BTNL2: variants seen among roughly 807,000 people sequenced by gnomAD.
BTNL2 encodes the protein butyrophilin like 2, also known as butyrophilin-like protein 2.
Under a neutral mutation model 46.8 loss-of-function variants are expected in BTNL2, and 46 were observed. The observed-to-expected ratio is 0.98, with a 90% confidence interval of 0.78 to 1.26. BTNL2 has a LOEUF of 1.26. BTNL2 is among the 50% of genes most tolerant of loss of function. The probability of loss-of-function intolerance (pLI) is 0.00; values close to 1 mark genes in which losing one functional copy is unlikely to be tolerated. For missense variants in BTNL2, 461 were observed against 592.6 expected (o/e 0.78, Z 2.31); for synonymous variants, 226 against 229.1 (o/e 0.99, Z 0.12).
chr6:32,402,265 CTG>C (rs1435586594), intron 3 of BTNL2, among the ~76,000 whole-genome samples: 1 of 152,026 alleles, frequency 6.6e-6, no homozygotes, highest in Non-Finnish European at 1.5e-5. Flanking sequence ...ATATGAATAA[CTG>C]TATACTTATA....
chr6:32,399,712 G>GA lies in BTNL2; in HGVS notation c.730+2072dup, dbSNP rs1197186874. On this transcript the variant is annotated intron_variant, in intron 4 of 7. Transcript: ENST00000454136. The surrounding 1 kb of genome is among the most constrained non-coding windows in gnomAD (Gnocchi z 5.2). ...CAATTAAACTTTATAATTATTGTAA[G>GA]AAAAAATGAAATAATTCCCATAACA... Among the ~76,000 whole-genome samples, 1 of 152,072 alleles carries GA rather than the reference G, an allele frequency of 6.6e-6. No individual in the cohort carries two copies. Among genetic ancestry groups the GA allele is most frequent in the Admixed American group, 6.5e-5 (1 of 15,278 alleles).
At chr6:32,395,162 G>A (rs1776368456) in intron 5 of BTNL2, 137 bp from the exon 6 acceptor site, 1 of 737,136 alleles carries the variant, frequency 1.4e-6, no homozygotes. Flanking sequence ...ACTCCACTTA[G>A]GGATGAGGCT....
Position 32,394,776 on chromosome 6 carries a change from C to T in BTNL2, c.1328G>A (p.Gly443Asp), listed in dbSNP as rs372215089. 7 of 1,613,320 alleles carry T rather than the reference C, an allele frequency of 4.3e-6. No homozygotes were observed. The African/African-American group carries it at 9.3e-5, about 22-fold the overall frequency. Residue 443 changes from glycine to aspartate, a missense_variant, in exon 6 of 8, where the codon GGC becomes GAC. Coordinates refer to ENST00000454136, the MANE Select transcript of BTNL2 (RefSeq NM_001304561.2). This position sits in a 1 kb window ranked among gnomAD's most constrained non-coding sequence, Gnocchi z 4.6. Reference protein sequence around the residue: ...VTCSISIPFLGEEKIATFSLS... With the variant: ...VTCSISIPFLDEEKIATFSLS... Reference sequence around the variant, plus strand: ...AGAAAAAGTTGCGATTTTCTCCTCGCCCAAAAAGGGGATGCTGATGGAACA... The same window carrying T: ...AGAAAAAGTTGCGATTTTCTCCTCGTCCAAAAAGGGGATGCTGATGGAACA...
At chr6:32,406,894 G>A (rs1777187272) in intron 1 of BTNL2, 151 bp downstream of exon 1, 1 of 649,382 alleles carries the variant, frequency 1.5e-6, no homozygotes, top group African/African-American at 1.8e-5. Context: ...GCTCCTGGGA[G>A]TGGAGGAGCT....
Position 32,398,164 on chromosome 6 carries a change from T to C in BTNL2, c.731-1778A>G, listed in dbSNP as rs181793970. Reference sequence around the variant, plus strand: ...CAGGCCCTGCCCGTGCCATTTTTTCTCTATTCTAAATTAAGTGTCGTCCTT... The same window carrying C: ...CAGGCCCTGCCCGTGCCATTTTTTCCCTATTCTAAATTAAGTGTCGTCCTT... On this transcript the variant is annotated intron_variant, in intron 4 of 7. Transcript: ENST00000454136. Among the ~76,000 whole-genome samples, 810 of 152,240 alleles carry C rather than the reference T, an allele frequency of 5.3e-3. 9 individuals are homozygous for C. Among genetic ancestry groups the C allele is most frequent in the African/African-American group, 0.018 (764 of 41,540 alleles).
Position 32,394,774 on chromosome 6 carries a change from C to A in BTNL2, c.1330G>T (p.Glu444Ter), listed in dbSNP as rs368019634. Residue 444 changes from glutamate (E) to a stop codon, truncating the protein, a stop_gained, in exon 6 of 8, where the codon GAG (glutamate) becomes TAG (stop). Coordinates refer to ENST00000454136, the MANE Select transcript of BTNL2 (RefSeq NM_001304561.2). LOFTEE classifies it high-confidence loss of function. The surrounding 1 kb of genome is among the most constrained non-coding windows in gnomAD (Gnocchi z 4.6). ...AGAGAAAAAGTTGCGATTTTCTCCT[C>A]GCCCAAAAAGGGGATGCTGATGGAA... ...TCSISIPFLG[E>*]EKIATFSLSE... The A allele has an allele frequency of 1.2e-6, 2 of 1,613,010 alleles. No individual in the cohort carries two copies. Among genetic ancestry groups the A allele is most frequent in the Non-Finnish European group, 1.7e-6 (2 of 1,179,304 alleles).
intron 2 of BTNL2, among the ~76,000 whole-genome samples, chr6:32,403,424 A>G (rs1776918249): frequency 6.6e-6 from 1 of 152,196 alleles, no homozygotes; most frequent in African/African-American, 2.4e-5. Context: ...TTAGCATCTG[A>G]CCAGTACTTT....
chr6:32,405,320 T>C, intron 1 of BTNL2, 34 bp from the exon 2 acceptor site: 1 of 1,599,704 alleles, frequency 6.3e-7, no homozygotes, highest in Non-Finnish European at 8.5e-7. Context: ...AACGAGGAAA[T>C]GCCAATCAGA....
intron 2 of BTNL2, among the ~76,000 whole-genome samples, chr6:32,403,966 C>A (rs74506038): frequency 1.3e-5 from 2 of 152,050 alleles, no homozygotes; most frequent in African/African-American, 2.4e-5. Context: ...TTCCCTTGGA[C>A]CCTTAGAAAA....
intron 4 of BTNL2, among the ~76,000 whole-genome samples, chr6:32,400,423 C>A (rs1776679213): frequency 6.6e-6 from 1 of 152,056 alleles, no homozygotes; most frequent in East Asian, 1.9e-4. Context: ...CATAAGGGAT[C>A]CACGTTCTAT....
In BTNL2 at chr6:32,403,105, A is replaced by G. The variant is rs1776893419; in HGVS notation, c.539T>C (p.Ile180Thr). The G allele has an allele frequency of 1.2e-6, 2 of 1,612,806 alleles. No homozygotes were observed. Among genetic ancestry groups the G allele is most frequent in the Non-Finnish European group, 1.7e-6 (2 of 1,179,896 alleles). ...CACGGCCAGCAGCTTCTCTCCCCGG[A>G]TGTCTTCCCAATACACCTGGGGCTC... The part of the protein sequence containing the change: ...FPEPQVYWED[I>T]RGEKLLAVSE... The change falls in exon 3 of 8, where the codon ATC becomes ACC. Residue 180 changes from isoleucine (I) to threonine (T), a missense_variant. Coordinates refer to ENST00000454136, the MANE Select transcript of BTNL2 (RefSeq NM_001304561.2).
intron 4 of BTNL2, among the ~76,000 whole-genome samples, chr6:32,398,545 G>A (rs1776577289): frequency 6.6e-6 from 1 of 152,180 alleles, no homozygotes; most frequent in South Asian, 2.1e-4. Context: ...TTAGTTTGGG[G>A]CTGTTTCTGC....
At chr6:32,404,247 G>A (rs756687459) in intron 2 of BTNL2, among the ~76,000 whole-genome samples, 1 of 152,178 alleles carries the variant, frequency 6.6e-6, no homozygotes, top group Non-Finnish European at 1.5e-5. Context: ...TCTCTTTAGA[G>A]CATGGAGAAG....
chr6:32,397,671 T>A (rs2150311632), intron 4 of BTNL2, among the ~76,000 whole-genome samples: 1 of 152,332 alleles, frequency 6.6e-6, no homozygotes, highest in Non-Finnish European at 1.5e-5. Context: ...TGTTTCAGAG[T>A]TGAACAAAAT....
In BTNL2 at chr6:32,404,956, A is replaced by G. The variant is rs560606465; in HGVS notation, c.410T>C (p.Leu137Ser). 1 of 1,612,818 alleles carries G rather than the reference A, an allele frequency of 6.2e-7. No individual in the cohort carries two copies. Among genetic ancestry groups the G allele is most frequent in the African/African-American group, 1.3e-5 (1 of 75,028 alleles). Reference sequence around the variant, plus strand: ...ATATTCACCTGCTACTTTGAGCAGCAAGCTTGTTTCTCCACAGTAGTTCCC... The same window carrying G: ...ATATTCACCTGCTACTTTGAGCAGCGAGCTTGTTTCTCCACAGTAGTTCCC... ...QDGNYCGETS[L>S]LLKVAGLGSA... Residue 137 changes from leucine to serine, a missense_variant, in exon 2 of 8, where the codon TTG becomes TCG. Physicochemically the swap from Leu to Ser is moderately radical, Grantham distance 145 (BLOSUM62 -2). Transcript: ENST00000454136.
chr6:32,405,313 G>A (rs1777065060), intron 1 of BTNL2, 27 bp from the exon 2 acceptor site: 6 of 1,605,036 alleles, frequency 3.7e-6, no homozygotes, highest in South Asian at 2.2e-5. Context: ...AAAGAGGAAC[G>A]AGGAAATGCC....
intron 4 of BTNL2, among the ~76,000 whole-genome samples, chr6:32,398,341 T>C (rs1035189055): frequency 3.3e-5 from 5 of 152,232 alleles, no homozygotes; most frequent in Non-Finnish European, 7.3e-5. Flanking sequence ...GCTACCTTTG[T>C]AGAGAGGAAA....
At position 32,403,091 on chromosome 6, in the gene BTNL2, G is replaced by C; in HGVS notation, c.553C>G (p.Leu185Val). Residue 185 changes from leucine to valine, a missense_variant, in exon 3 of 8, where the codon CTG (leucine) becomes GTG (valine). Leu to Val is a conservative substitution (Grantham distance 32). Coordinates refer to ENST00000454136, the MANE Select transcript of BTNL2 (RefSeq NM_001304561.2). ...VYWEDIRGEK[L>V]LAVSEHRIQD... Reference sequence around the variant, plus strand: ...ATGCGATGCTCAGACACGGCCAGCAGCTTCTCTCCCCGGATGTCTTCCCAA... The same window carrying C: ...ATGCGATGCTCAGACACGGCCAGCACCTTCTCTCCCCGGATGTCTTCCCAA... 1 of 1,612,926 alleles carries C rather than the reference G, an allele frequency of 6.2e-7. No individual in the cohort carries two copies. Among genetic ancestry groups the C allele is most frequent in the South Asian group, 1.1e-5 (1 of 91,088 alleles).
intron 4 of BTNL2, among the ~76,000 whole-genome samples, chr6:32,400,638 G>A (rs1320237580): frequency 3.0e-5 from 4 of 133,706 alleles, no homozygotes; most frequent in African/African-American, 1.1e-4. Flanking sequence ...GCTGGGTGCA[G>A]TGGCTCATGC....
Sources: gnomAD v4.1 joint callset for allele counts (sites outside exome capture counted in the v4.1 genomes callset) on GRCh38, gnomAD v4.1.1 for gene constraint, Gnocchi (gnomAD v3.1) non-coding constraint, MANE v1.5 for transcripts, NCBI Gene and HGNC (gene_info 2026-07-23, HGNC 2026-07-21) for gene names.